Variants in TNFAIP8 observed in about 807,000 individuals in gnomAD.
TNFAIP8 encodes the protein TNF alpha induced protein 8.
A neutral mutation model predicts 13.3 loss-of-function variants in TNFAIP8; 7 were observed. That is an observed-to-expected ratio of 0.52 (90% CI 0.30 to 0.99). The LOEUF (loss-of-function observed/expected upper bound fraction) is 0.99. Ranked by LOEUF, TNFAIP8 falls within the 50% of genes least tolerant of loss-of-function variation. The pLI, the probability that TNFAIP8 is intolerant of heterozygous loss-of-function variation, is 0.07. For synonymous variants in TNFAIP8, 94 were observed against 87.6 expected (o/e 1.07, Z -0.41); for missense variants, 258 against 236.9 (o/e 1.09, Z -0.58).
intron 1 of TNFAIP8, among the ~76,000 whole-genome samples, chr5:119,304,861 C>CTG (rs907174104): frequency 6.6e-6 from 1 of 152,208 alleles, no homozygotes; most frequent in African/African-American, 2.4e-5. Flanking sequence ...AATTCTAACT[C>CTG]TGTGTTTGAA....
At chr5:119,292,726 A>G (rs1053661110) in intron 1 of TNFAIP8, among the ~76,000 whole-genome samples, 8 of 142,308 alleles carry the variant, frequency 5.6e-5, no homozygotes, top group African/African-American at 2.0e-4. Context: ...AATAAAAAAG[A>G]ACAAAGTACT....
chr5:119,269,836 A>G (rs972233140), intron 1 of TNFAIP8, among the ~76,000 whole-genome samples: 14 of 152,198 alleles, frequency 9.2e-5, no homozygotes, highest in Non-Finnish European at 1.6e-4. Context: ...TCAATGCAGG[A>G]CATATTTCTA....
chr5:119,316,215 A>G (rs925262219), intron 1 of TNFAIP8: 1 of 145,874 alleles, frequency 6.9e-6, no homozygotes, highest in Non-Finnish European at 1.5e-5. Flanking sequence ...GCTGAAGTGC[A>G]GTGGTGAGAT....
At chr5:119,314,387 G>A (rs1423367091) in intron 1 of TNFAIP8, among the ~76,000 whole-genome samples, 2 of 152,200 alleles carry the variant, frequency 1.3e-5, no homozygotes, top group African/African-American at 4.8e-5. Context: ...ATGTTCATAT[G>A]TTCTGTGAAA....
At chr5:119,367,280 G>A (rs375651297) in intron 1 of TNFAIP8, among the ~76,000 whole-genome samples, 1 of 149,980 alleles carries the variant, frequency 6.7e-6, no homozygotes, top group African/African-American at 2.4e-5. Context: ...ATTAAGCAAA[G>A]AAAGGAATAA....
At chr5:119,350,998 CTG>C (rs70982476) in intron 1 of TNFAIP8, among the ~76,000 whole-genome samples, 4,462 of 137,808 alleles carry the variant, frequency 0.032, 70 homozygotes, top group Admixed American at 0.039. Context: ...GGGTCTCACT[CTG>C]TGTGTGTGTG....
At chr5:119,301,057 T>C (rs1041318878) in intron 1 of TNFAIP8, among the ~76,000 whole-genome samples, 3 of 152,218 alleles carry the variant, frequency 2.0e-5, no homozygotes, top group African/African-American at 7.2e-5. Flanking sequence ...TCCTTATTCA[T>C]TGGCAAGATT....
chr5:119,305,770 T>C (rs73252320), intron 1 of TNFAIP8, among the ~76,000 whole-genome samples: 1,549 of 152,270 alleles, frequency 0.01, 17 homozygotes, highest in African/African-American at 0.035. Context: ...TGTTGGAATG[T>C]TTATGGAAAT....
intron 1 of TNFAIP8, among the ~76,000 whole-genome samples, chr5:119,279,559 AT>A (rs905522935): frequency 1.6e-4 from 25 of 151,930 alleles, no homozygotes; most frequent in African/African-American, 5.8e-4. Context: ...TTGTTATTTT[AT>A]TTTTTTTATT....
intron 1 of TNFAIP8, chr5:119,316,159 C>A (rs910953446): frequency 7.5e-6 from 1 of 133,842 alleles, no homozygotes; most frequent in Non-Finnish European, 1.6e-5. Context: ...AGTTCTTCCA[C>A]TTTTTTTTTT....
chr5:119,369,534 T>C (rs1388558783), intron 1 of TNFAIP8, among the ~76,000 whole-genome samples: 1 of 152,224 alleles, frequency 6.6e-6, no homozygotes, highest in Non-Finnish European at 1.5e-5. Context: ...GACAGGCATA[T>C]GATTCAGAGT....
chr5:119,361,481 T>G (rs1252978056), intron 1 of TNFAIP8, among the ~76,000 whole-genome samples: 2 of 152,218 alleles, frequency 1.3e-5, no homozygotes, highest in Non-Finnish European at 2.9e-5. Flanking sequence ...TTATGTGGAC[T>G]TAATGATAAT....
intron 1 of TNFAIP8, among the ~76,000 whole-genome samples, chr5:119,280,444 G>A (rs1380098912): frequency 1.3e-5 from 2 of 150,930 alleles, no homozygotes; most frequent in East Asian, 1.9e-4. Flanking sequence ...TGTTTAATTT[G>A]TAGAGTTTCC....
chr5:119,283,198 A>G (rs1281245504), intron 1 of TNFAIP8, among the ~76,000 whole-genome samples: 5 of 152,242 alleles, frequency 3.3e-5, no homozygotes, highest in Non-Finnish European at 1.5e-5. Flanking sequence ...TCACCCTGTT[A>G]GGTCCTGGCC....
chr5:119,294,960 G>T (rs2112637746), intron 1 of TNFAIP8, among the ~76,000 whole-genome samples: 1 of 151,850 alleles, frequency 6.6e-6, no homozygotes. Flanking sequence ...CAGATGAGTA[G>T]GTTGCGAAAA....
upstream of TNFAIP8, among the ~76,000 whole-genome samples, chr5:119,353,109 A>G (rs1287953263): frequency 6.6e-6 from 1 of 152,204 alleles, no homozygotes; most frequent in Non-Finnish European, 1.5e-5. Flanking sequence ...GCAATTTTGT[A>G]TCAGGCGGGC....
intron 1 of TNFAIP8, among the ~76,000 whole-genome samples, chr5:119,296,280 T>A (rs963117956): frequency 6.6e-6 from 1 of 151,972 alleles, no homozygotes; most frequent in East Asian, 1.9e-4. Flanking sequence ...AGATAGCTCT[T>A]ATTATTTGAG....
intron 1 of TNFAIP8, among the ~76,000 whole-genome samples, chr5:119,376,780 A>T (rs954575388): frequency 6.6e-6 from 1 of 152,180 alleles, no homozygotes; most frequent in African/African-American, 2.4e-5. Context: ...TGGACGGTCA[A>T]TGAGGACTTC....
In TNFAIP8 at chr5:119,399,391, A is replaced by T. The variant is rs1753144683; in HGVS notation, c.*6010A>T. Reference sequence around the variant, plus strand: ...TTCTAATTTTAAAGATACAATTTTTAAAGACATGGAAGGCTCTGAGACCTC... The same window carrying T: ...TTCTAATTTTAAAGATACAATTTTTTAAGACATGGAAGGCTCTGAGACCTC... On this transcript the variant is annotated 3_prime_UTR_variant, in exon 2 of 2. Coordinates refer to ENST00000504771, the MANE Select transcript of TNFAIP8 (RefSeq NM_014350.4). 6.6e-6 allele frequency: 1 copy of T among 152,218 alleles called. No individual in the cohort carries two copies. Among genetic ancestry groups the T allele is most frequent in the African/African-American group, 2.4e-5 (1 of 41,446 alleles). The allele number at this position is 152,218 out of a possible 1,614,324, so 9.4% of individuals were successfully genotyped here. A position where few individuals can be genotyped will look rare whatever the true frequency, so the allele number is the denominator to read the frequency against.
Sources: gnomAD v4.1 joint callset for allele counts (sites outside exome capture counted in the v4.1 genomes callset) on GRCh38, gnomAD v4.1.1 for gene constraint, MANE v1.5 for transcripts, NCBI Gene and HGNC (gene_info 2026-07-23, HGNC 2026-07-21) for gene names.